Variants in MBD2 observed in about 807,000 individuals in gnomAD.
MBD2 encodes the protein methyl-CpG-binding domain protein 2.
In MBD2, 9 loss-of-function variants were observed where a neutral mutation model predicts 39.3. The observed-to-expected ratio is 0.23, with a 90% CI of 0.14 to 0.40. The LOEUF (loss-of-function observed/expected upper bound fraction) is 0.40. Among genes scored for constraint, MBD2 ranks in the 10% least tolerant of loss-of-function variants. MBD2 has a pLI of 1.00. For synonymous variants in MBD2, 233 were observed against 211.1 expected, an observed-to-expected ratio of 1.10 and a Z score of -0.90; for missense variants, 458 against 532.6, an observed-to-expected ratio of 0.86 and a Z score of 1.38.
intron 2 of MBD2, among the ~76,000 whole-genome samples, chr18:54,189,452 G>C (rs2086305547): frequency 6.6e-6 from 1 of 152,002 alleles, no homozygotes; most frequent in Non-Finnish European, 1.5e-5. Context: ...TCGATCTCCT[G>C]ACCTCATGAT....
chr18:54,216,467 C>T (rs2086562705), intron 1 of MBD2, among the ~76,000 whole-genome samples: 1 of 152,194 alleles, frequency 6.6e-6, no homozygotes, highest in Non-Finnish European at 1.5e-5. Flanking sequence ...ATGCTGGATA[C>T]TGAAGATTCA....
intron 3 of MBD2, chr18:54,187,630 T>C (rs1046966673): frequency 1.3e-5 from 12 of 947,932 alleles, no homozygotes; most frequent in Non-Finnish European, 1.4e-5. Context: ...GAAAGCTGAA[T>C]GGCCCAAAGA....
At chr18:54,203,196 C>T (rs940506026) in intron 2 of MBD2, 1 of 1,508,430 alleles carries the variant, frequency 6.6e-7, no homozygotes, top group Non-Finnish European at 9.0e-7. Flanking sequence ...GCACATTACA[C>T]TTAACATAAC....
Position 54,152,830 on chromosome 18 carries a change from A to G in MBD2, c.*2494T>C, listed in dbSNP as rs1424932954. On this transcript the variant is annotated 3_prime_UTR_variant, in exon 7 of 7. Transcript: ENST00000256429. Reference sequence around the variant, plus strand: ...CTCACAACAACTCTATGAGGTAGGTATTATTATTCCTATTTCACTGAGGAG... The same window carrying G: ...CTCACAACAACTCTATGAGGTAGGTGTTATTATTCCTATTTCACTGAGGAG... The G allele has an allele frequency of 6.6e-6, 1 of 152,210 alleles. No homozygotes were observed. Among genetic ancestry groups the G allele is most frequent in the Non-Finnish European group, 1.5e-5 (1 of 68,034 alleles). The allele number at this position is 152,210 out of a possible 1,614,324, so 9.4% of individuals were successfully genotyped here.
chr18:54,177,202 C>A (rs915337102), intron 3 of MBD2, among the ~76,000 whole-genome samples: 53 of 152,180 alleles, frequency 3.5e-4, no homozygotes, highest in Non-Finnish European at 1.2e-4. Context: ...CACTACTTTT[C>A]ACATATTTGT....
At chr18:54,213,057 G>A (rs865798716) in intron 1 of MBD2, among the ~76,000 whole-genome samples, 121 of 138,564 alleles carry the variant, frequency 8.7e-4, no homozygotes, top group African/African-American at 3.0e-3. Context: ...CCTTGGCAGT[G>A]GGGATGGGTG....
chr18:54,187,891 T>C, intron 3 of MBD2: 2 of 982,918 alleles, frequency 2.0e-6, no homozygotes, highest in Non-Finnish European at 2.4e-6. Flanking sequence ...CTTTATGTAG[T>C]TTCTTCTAGA....
At chr18:54,162,088 A>G (rs2086102226) in intron 5 of MBD2, among the ~76,000 whole-genome samples, 2 of 152,176 alleles carry the variant, frequency 1.3e-5, no homozygotes, top group Non-Finnish European at 2.9e-5. Context: ...CAACCACCAT[A>G]TGAGCTTGAA....
At chr18:54,196,957 A>G (rs565316242) in intron 2 of MBD2, among the ~76,000 whole-genome samples, 14 of 152,376 alleles carry the variant, frequency 9.2e-5, no homozygotes, top group African/African-American at 3.4e-4. Context: ...AAGATGGAAC[A>G]GTACTATTAT....
At chr18:54,212,487 C>T (rs1026794666) in intron 1 of MBD2, among the ~76,000 whole-genome samples, 17 of 152,126 alleles carry the variant, frequency 1.1e-4, no homozygotes, top group Non-Finnish European at 2.1e-4. Context: ...AATGAACTTA[C>T]TTGACGTCAG....
chr18:54,219,549 A>C (rs1599114143), intron 1 of MBD2, among the ~76,000 whole-genome samples: 2 of 152,378 alleles, frequency 1.3e-5, no homozygotes, highest in Admixed American at 1.3e-4. Context: ...AGACAATATC[A>C]GAAAAGGCTT....
intron 2 of MBD2, among the ~76,000 whole-genome samples, chr18:54,189,451 T>C (rs761722149): frequency 4.0e-4 from 61 of 152,172 alleles, no homozygotes; most frequent in Admixed American, 2.6e-3. Context: ...CTCGATCTCC[T>C]GACCTCATGA....
intron 3 of MBD2, among the ~76,000 whole-genome samples, chr18:54,172,173 G>A (rs193287171): frequency 6.6e-5 from 10 of 152,302 alleles, no homozygotes; most frequent in Admixed American, 5.2e-4. Context: ...GAGAAGACAG[G>A]CTTATAATAT....
intron 2 of MBD2, chr18:54,202,667 G>A: frequency 9.9e-7 from 1 of 1,012,326 alleles, no homozygotes; most frequent in African/African-American, 1.7e-5. Context: ...GAAAATGAAA[G>A]GTATTTCCAA....
At chr18:54,164,755 C>T (rs2086119306) in intron 4 of MBD2, 55 bp from the exon 5 acceptor site, 4 of 1,410,170 alleles carry the variant, frequency 2.8e-6, no homozygotes, top group East Asian at 2.3e-5. Context: ...GCTGAGCAAA[C>T]TTTATGTGAC....
chr18:54,154,773 T>G lies in MBD2; in HGVS notation c.*551A>C, dbSNP rs1484214007. On this transcript the variant is annotated 3_prime_UTR_variant, in exon 7 of 7. Coordinates refer to ENST00000256429, the MANE Select transcript of MBD2 (RefSeq NM_003927.5). ...CCCAGGGATCAGAGTTGAATGTAAATCAGAGGAAGGCTAACGAGGGGTTCT... is the reference window on the plus strand; with the variant it reads ...CCCAGGGATCAGAGTTGAATGTAAAGCAGAGGAAGGCTAACGAGGGGTTCT... 1 of 152,586 alleles carries G rather than the reference T, an allele frequency of 6.6e-6. No homozygotes were observed. Among genetic ancestry groups the G allele is most frequent in the Non-Finnish European group, 1.5e-5 (1 of 68,026 alleles). 9.5% of individuals were successfully genotyped at this position (152,586 alleles called of 1,614,324 possible).
intron 1 of MBD2, among the ~76,000 whole-genome samples, chr18:54,217,257 A>G (rs546810015): frequency 6.6e-6 from 1 of 152,342 alleles, no homozygotes; most frequent in African/African-American, 2.4e-5. Context: ...AAGTTCCCAA[A>G]ATGAGTTTGA....
chr18:54,224,328 G>A lies in MBD2; in HGVS notation c.232C>T (p.Arg78Trp). 2.9e-6 allele frequency: 3 copies of A among 1,017,620 alleles called. No homozygotes were observed. The highest frequency in any genetic ancestry group is 1.8e-5 in the African/African-American group (1 of 56,488). The allele number at this position is 1,017,620 out of a possible 1,614,324, so 63.0% of individuals were successfully genotyped here. The change falls in exon 1 of 7, where the codon CGG (arginine) becomes TGG (tryptophan). Residue 78 changes from arginine (R) to tryptophan (W), a missense_variant. By Grantham distance (101) the Arg-to-Trp change is moderately radical. This residue lies in a region of MBD2 where 269 missense variants were observed against 236.0 expected (regional missense o/e 1.14). Transcript: ENST00000256429. ...GRGGGVCGRGRGRGRGRGRGR... is the reference protein window; with the variant it reads ...GRGGGVCGRGWGRGRGRGRGR... ...CGTCCCCGGCCACGGCCCCGGCCCC[G>A]GCCACGGCCACAGACGCCGCCGCCC...
intron 1 of MBD2, among the ~76,000 whole-genome samples, chr18:54,215,652 C>T (rs561935896): frequency 4.4e-4 from 66 of 151,722 alleles, no homozygotes; most frequent in Admixed American, 6.6e-4. Context: ...CACATCACCA[C>T]GCCCATCTAA....
Sources: allele counts gnomAD v4.1 joint callset (sites outside exome capture counted in the v4.1 genomes callset), GRCh38; gene constraint gnomAD v4.1.1; regional missense constraint gnomAD v4.1.1; transcripts MANE v1.5; gene names NCBI Gene and HGNC (gene_info 2026-07-23, HGNC 2026-07-21).